SCHIP1: variants seen among roughly 807,000 people sequenced by gnomAD.
The protein encoded by SCHIP1 is schwannomin interacting protein 1.
A neutral mutation model predicts 29.7 loss-of-function variants in SCHIP1; 8 were observed. The ratio of observed to expected loss-of-function variants is 0.27; its 90% CI spans 0.16 to 0.49. The LOEUF (loss-of-function observed/expected upper bound fraction) is 0.49, where lower values mean the gene tolerates loss of function less well. Among genes scored for constraint, SCHIP1 ranks in the 20% least tolerant of loss-of-function variants. The probability of loss-of-function intolerance (pLI) is 0.99; values close to 1 mark genes in which losing one functional copy is unlikely to be tolerated. For synonymous variants in SCHIP1, 76 were observed against 94.9 expected (o/e 0.80, Z 1.16); for missense variants, 193 against 294.6 (o/e 0.66, Z 2.52).
the SCHIP1 span, among the ~76,000 whole-genome samples, chr3:159,797,530 T>G: frequency 1.3e-5 from 2 of 152,192 alleles, no homozygotes; most frequent in Admixed American, 1.3e-4. Context: ...AAAATGTCAC[T>G]TACATTTCTC....
chr3:159,406,824 A>G, the SCHIP1 span, among the ~76,000 whole-genome samples: 1 of 152,310 alleles, frequency 6.6e-6, no homozygotes, highest in Non-Finnish European at 1.5e-5. Flanking sequence ...AGCTGTCATG[A>G]GTTTAAAATA....
At chr3:159,645,936 T>C in the SCHIP1 span, among the ~76,000 whole-genome samples, 4 of 152,148 alleles carry the variant, frequency 2.6e-5, no homozygotes, top group African/African-American at 9.6e-5. Flanking sequence ...TTAAAGATTC[T>C]GTGGAATATA....
intron 1 of SCHIP1, among the ~76,000 whole-genome samples, chr3:159,864,016 T>C (rs920444642): frequency 1.3e-5 from 2 of 152,204 alleles, no homozygotes; most frequent in East Asian, 1.9e-4. Context: ...TTCATGTTGC[T>C]ATCTACTGAT....
chr3:159,588,313 G>A, the SCHIP1 span, among the ~76,000 whole-genome samples: 4 of 151,632 alleles, frequency 2.6e-5, no homozygotes, highest in South Asian at 2.1e-4. Flanking sequence ...TTTGAATGAG[G>A]TTGTTTTTTT....
the SCHIP1 span, among the ~76,000 whole-genome samples, chr3:159,625,911 C>A: frequency 6.6e-6 from 1 of 152,000 alleles, no homozygotes; most frequent in South Asian, 2.1e-4. Context: ...ACCCAGCTAG[C>A]AAATACAGGG....
the SCHIP1 span, among the ~76,000 whole-genome samples, chr3:159,368,040 G>C: frequency 3.9e-5 from 6 of 151,922 alleles, no homozygotes; most frequent in Non-Finnish European, 8.8e-5. Flanking sequence ...CTGATCTTAG[G>C]AGGAGTCTTT....
chr3:159,890,804 G>T (rs1717439442), intron 5 of SCHIP1, among the ~76,000 whole-genome samples: 1 of 151,886 alleles, frequency 6.6e-6, no homozygotes, highest in African/African-American at 2.4e-5. Context: ...TTTAAAAATG[G>T]AAACTAGTTT....
chr3:159,732,137 C>G, the SCHIP1 span, among the ~76,000 whole-genome samples: 1 of 152,342 alleles, frequency 6.6e-6, no homozygotes, highest in South Asian at 2.1e-4. Flanking sequence ...TGAGCCACCA[C>G]GCCTGGCCCC....
the SCHIP1 span, among the ~76,000 whole-genome samples, chr3:159,699,798 C>T: frequency 6.6e-6 from 1 of 152,198 alleles, no homozygotes; most frequent in African/African-American, 2.4e-5. Context: ...GTGAGAATAT[C>T]TTTAAGATAC....
chr3:159,387,617 C>T, the SCHIP1 span, among the ~76,000 whole-genome samples: 7 of 152,128 alleles, frequency 4.6e-5, no homozygotes, highest in African/African-American at 1.4e-4. Context: ...TTTAAAAGTC[C>T]GTATAGTAAA....
At chr3:159,361,029 C>T in the SCHIP1 span, among the ~76,000 whole-genome samples, 1 of 152,184 alleles carries the variant, frequency 6.6e-6, no homozygotes, top group African/African-American at 2.4e-5. Flanking sequence ...AGACACCATT[C>T]TTGACACTTG....
At chr3:159,397,799 G>T in the SCHIP1 span, among the ~76,000 whole-genome samples, 1 of 152,236 alleles carries the variant, frequency 6.6e-6, no homozygotes, top group African/African-American at 2.4e-5. Context: ...GCCCCCAGAG[G>T]TTGAGCCTAC....
At chr3:159,360,694 A>G in the SCHIP1 span, among the ~76,000 whole-genome samples, 2 of 152,336 alleles carry the variant, frequency 1.3e-5, no homozygotes, top group South Asian at 2.1e-4. Context: ...TCTTTGTGAC[A>G]TGAGGTTGAC....
At chr3:159,359,004 T>G in the SCHIP1 span, among the ~76,000 whole-genome samples, 15 of 142,176 alleles carry the variant, frequency 1.1e-4, no homozygotes, top group Admixed American at 6.8e-4. Context: ...CTCAGTTCAC[T>G]GCAACCTCCG....
At chr3:159,888,036 G>T in intron 4 of SCHIP1, 131 bp downstream of exon 5, 2 of 1,227,804 alleles carry the variant, frequency 1.6e-6, no homozygotes, top group Non-Finnish European at 2.2e-6. Flanking sequence ...CTGTCATTGA[G>T]AAATGATTAA....
the SCHIP1 span, among the ~76,000 whole-genome samples, chr3:159,357,287 A>G: frequency 2.0e-5 from 3 of 152,216 alleles, no homozygotes; most frequent in Non-Finnish European, 2.9e-5. Context: ...ATTTACATAT[A>G]TGCAAATATG....
chr3:159,710,377 G>A, the SCHIP1 span, among the ~76,000 whole-genome samples: 4 of 152,156 alleles, frequency 2.6e-5, no homozygotes, highest in African/African-American at 9.7e-5. Context: ...ACCAGAGGCT[G>A]GTTGGGGAGG....
At chr3:159,814,865 A>G in the SCHIP1 span, among the ~76,000 whole-genome samples, 105 of 152,180 alleles carry the variant, frequency 6.9e-4, no homozygotes, top group Non-Finnish European at 1.6e-4. Flanking sequence ...GATTGAAATG[A>G]TCCTAATTTC....
chr3:159,576,609 A>T, the SCHIP1 span, among the ~76,000 whole-genome samples: 1 of 152,116 alleles, frequency 6.6e-6, no homozygotes, highest in Non-Finnish European at 1.5e-5. Flanking sequence ...TTATATTTCC[A>T]TTAGCGACTT....
Sources: gnomAD v4.1 joint callset for allele counts (sites outside exome capture counted in the v4.1 genomes callset) on GRCh38, gnomAD v4.1.1 for gene constraint, MANE v1.5 for transcripts, NCBI Gene and HGNC (gene_info 2026-07-23, HGNC 2026-07-21) for gene names.